The following MYO5B variants were observed in gnomAD, a reference collection of about 807,000 sequenced individuals.
MYO5B encodes the protein myosin VB, also known as unconventional myosin-Vb.
A neutral mutation model predicts 229.3 loss-of-function variants in MYO5B; 143 were observed. That is an observed-to-expected ratio of 0.62 (90% CI 0.54 to 0.72). MYO5B has a LOEUF of 0.72. Ranked by LOEUF, MYO5B falls within the 30% of genes least tolerant of loss-of-function variation. MYO5B has a pLI of 0.00. For synonymous variants in MYO5B, 918 were observed against 885.2 expected (o/e 1.04, Z -0.66); for missense variants, 2,321 against 2,331.0 (o/e 1.00, Z 0.09).
At chr18:50,162,470 T>G (rs2032781264) in intron 1 of MYO5B, among the ~76,000 whole-genome samples, 1 of 152,196 alleles carries the variant, frequency 6.6e-6, no homozygotes, top group Admixed American at 6.5e-5. Context: ...AAGTTCAGCC[T>G]CCTGATAGAC....
chr18:49,970,573 T>C (rs545572548), intron 10 of MYO5B, among the ~76,000 whole-genome samples: 24 of 152,308 alleles, frequency 1.6e-4, no homozygotes, highest in African/African-American at 4.8e-4. Context: ...TGCTTGCTTA[T>C]AGAAAGAAGT....
chr18:50,057,128 G>A (rs2030570194), intron 1 of MYO5B, among the ~76,000 whole-genome samples: 1 of 152,192 alleles, frequency 6.6e-6, no homozygotes, highest in Non-Finnish European at 1.5e-5. Context: ...AACCTTCTGA[G>A]CATTTGCTGA....
chr18:50,193,365 C>T (rs1161650229), intron 1 of MYO5B, among the ~76,000 whole-genome samples: 1 of 152,238 alleles, frequency 6.6e-6, no homozygotes, highest in Non-Finnish European at 1.5e-5. Context: ...GAGGCTGCTG[C>T]GGCCCCACCC....
intron 1 of MYO5B, among the ~76,000 whole-genome samples, chr18:50,071,814 T>C (rs1039524804): frequency 6.6e-6 from 1 of 152,232 alleles, no homozygotes; most frequent in Non-Finnish European, 1.5e-5. Context: ...TAAAACTAAA[T>C]GGAAGAATGC....
chr18:49,943,119 A>G (rs977831770), intron 14 of MYO5B, among the ~76,000 whole-genome samples: 1 of 151,336 alleles, frequency 6.6e-6, no homozygotes, highest in South Asian at 2.1e-4. Flanking sequence ...CACAAGGACA[A>G]AAAACCAAAC....
intron 16 of MYO5B, among the ~76,000 whole-genome samples, chr18:49,930,416 T>G (rs796522748): frequency 6.6e-6 from 1 of 152,230 alleles, no homozygotes; most frequent in Non-Finnish European, 1.5e-5. Context: ...CAAAACCCAG[T>G]ATGTTTTTAA....
At chr18:49,853,282 T>A (rs547664429) in intron 31 of MYO5B, among the ~76,000 whole-genome samples, 167 bp downstream of exon 31, 119 of 152,308 alleles carry the variant, frequency 7.8e-4, no homozygotes, top group Non-Finnish European at 1.6e-3. Flanking sequence ...GTCTGAGATC[T>A]TTCAGCTCCA....
At chr18:50,042,422 T>C (rs1252964653) in intron 2 of MYO5B, among the ~76,000 whole-genome samples, 3 of 152,230 alleles carry the variant, frequency 2.0e-5, no homozygotes, top group Non-Finnish European at 4.4e-5. Flanking sequence ...TAGTGGGATT[T>C]CCTTTAGACA....
intron 2 of MYO5B, among the ~76,000 whole-genome samples, chr18:50,043,296 TATA>T (rs1286714940): frequency 8.7e-6 from 1 of 114,950 alleles, no homozygotes; most frequent in Non-Finnish European, 1.7e-5. Context: ...ATATATTATA[TATA>T]ATATATAATA....
At chr18:49,973,427 G>A (rs570954074) in intron 10 of MYO5B, among the ~76,000 whole-genome samples, 1 of 152,274 alleles carries the variant, frequency 6.6e-6, no homozygotes, top group Admixed American at 6.5e-5. Context: ...GCAGTTGTTC[G>A]CACTAGAGTG....
At chr18:50,134,554 C>CAATAAATAAATA (rs57536679) in intron 1 of MYO5B, among the ~76,000 whole-genome samples, 429 of 141,500 alleles carry the variant, frequency 3.0e-3, no homozygotes, top group Middle Eastern at 0.011. Flanking sequence ...GACTCCATCT[C>CAATAAATAAATA]AATAAATAAA....
intron 17 of MYO5B, among the ~76,000 whole-genome samples, chr18:49,917,533 C>T (rs1219646159): frequency 1.3e-5 from 2 of 151,842 alleles, no homozygotes; most frequent in Non-Finnish European, 2.9e-5. Context: ...CGACTTCCAT[C>T]ACCTCCACAG....
At chr18:50,055,520 C>A (rs1451078919) in intron 1 of MYO5B, 142 bp from the exon 2 acceptor site, 27 of 699,948 alleles carry the variant, frequency 3.9e-5, no homozygotes, top group Non-Finnish European at 6.9e-5. Context: ...TTTCAGGACA[C>A]AACGTGATCC....
chr18:49,954,237 C>G, intron 13 of MYO5B, 76 bp downstream of exon 13: 1 of 1,593,160 alleles, frequency 6.3e-7, no homozygotes, highest in Non-Finnish European at 8.6e-7. Context: ...ACAGATTTCT[C>G]TCTAGGTCTA....
chr18:49,850,391 C>G (rs1265849849), intron 31 of MYO5B: 2 of 152,876 alleles, frequency 1.3e-5, no homozygotes, highest in African/African-American at 4.8e-5. Flanking sequence ...CATTGGGTGA[C>G]AACTTTTTAA....
At chr18:49,935,003 G>A (rs909504988) in intron 16 of MYO5B, among the ~76,000 whole-genome samples, 2 of 152,154 alleles carry the variant, frequency 1.3e-5, no homozygotes, top group Non-Finnish European at 2.9e-5. Flanking sequence ...CTGGCCAGAG[G>A]GAACAGCATG....
chr18:49,857,507 C>T (rs1330335611), intron 29 of MYO5B, among the ~76,000 whole-genome samples: 2 of 152,150 alleles, frequency 1.3e-5, no homozygotes, highest in African/African-American at 4.8e-5. Flanking sequence ...TCCTTAAAGG[C>T]ACAAAAATAT....
chr18:49,911,285 A>C (rs2024954623), intron 18 of MYO5B, among the ~76,000 whole-genome samples: 1 of 152,160 alleles, frequency 6.6e-6, no homozygotes. Flanking sequence ...TCATAAACCC[A>C]AGCAAGCTGT....
intron 21 of MYO5B, among the ~76,000 whole-genome samples, chr18:49,899,187 C>A (rs1361452328): frequency 7.2e-5 from 11 of 152,168 alleles, no homozygotes; most frequent in Admixed American, 4.6e-4. Context: ...CGCAGATCCT[C>A]CCCTTCTGGC....
Sources: allele counts gnomAD v4.1 joint callset (sites outside exome capture counted in the v4.1 genomes callset), GRCh38; gene constraint gnomAD v4.1.1; transcripts MANE v1.5; gene names NCBI Gene and HGNC (gene_info 2026-07-23, HGNC 2026-07-21).